The following MAST4 variants were observed in gnomAD, a reference collection of about 807,000 sequenced individuals.
MAST4 encodes microtubule associated serine/threonine kinase family member 4.
A neutral mutation model predicts 162.7 loss-of-function variants in MAST4; 89 were observed. The observed-to-expected ratio is 0.55, with a 90% CI of 0.46 to 0.65. The LOEUF (loss-of-function observed/expected upper bound fraction) is 0.65. Ranked by LOEUF, MAST4 falls within the 30% of genes least tolerant of loss-of-function variation. The probability of loss-of-function intolerance (pLI) is 0.00; values close to 1 mark genes in which losing one functional copy is unlikely to be tolerated. For missense variants in MAST4, 3,153 were observed against 3,374.0 expected (o/e 0.93, Z 1.62); for synonymous variants, 1,479 against 1,361.1 (o/e 1.09, Z -1.91).
chr5:66,828,926 C>T, intron 3 of MAST4: 2 of 1,472,008 alleles, frequency 1.4e-6, no homozygotes, highest in South Asian at 1.2e-5. Flanking sequence ...TGTCAGTGGC[C>T]AGCCATTGAG....
chr5:66,991,293 T>G (rs1419572264), intron 4 of MAST4, among the ~76,000 whole-genome samples: 1 of 152,108 alleles, frequency 6.6e-6, no homozygotes, highest in Non-Finnish European at 1.5e-5. Context: ...GAACCAAGAG[T>G]TCTTTTTCCT....
chr5:66,893,569 T>C (rs941727287), intron 3 of MAST4, among the ~76,000 whole-genome samples: 1 of 152,210 alleles, frequency 6.6e-6, no homozygotes, highest in African/African-American at 2.4e-5. Flanking sequence ...AATAAATATA[T>C]GAAAGTGCAT....
intron 1 of MAST4, among the ~76,000 whole-genome samples, chr5:66,714,529 G>T (rs918211958): frequency 1.3e-5 from 2 of 152,176 alleles, no homozygotes; most frequent in Non-Finnish European, 2.9e-5. Context: ...TCGAGTCATT[G>T]TTTTCCCTTC....
chr5:66,697,900 A>G (rs2149506104), intron 1 of MAST4, among the ~76,000 whole-genome samples: 1 of 152,288 alleles, frequency 6.6e-6, no homozygotes, highest in Middle Eastern at 3.4e-3. Context: ...CTGAAACCAA[A>G]GTCTTCAGGA....
chr5:66,954,900 C>CAAAAAAAA (rs538274808), intron 4 of MAST4, among the ~76,000 whole-genome samples: 3 of 139,400 alleles, frequency 2.2e-5, no homozygotes, highest in African/African-American at 8.7e-5. Flanking sequence ...GACTCTGTCT[C>CAAAAAAAA]AAAAAAAAAA....
chr5:66,736,256 G>C (rs533576424), intron 1 of MAST4, among the ~76,000 whole-genome samples: 1 of 151,996 alleles, frequency 6.6e-6, no homozygotes, highest in African/African-American at 2.4e-5. Flanking sequence ...CTAAGAAAGA[G>C]GCAAAAGATG....
intron 3 of MAST4, among the ~76,000 whole-genome samples, chr5:66,898,452 C>G (rs142808394): frequency 6.6e-6 from 1 of 151,596 alleles, no homozygotes; most frequent in Admixed American, 6.6e-5. Context: ...ATTTATGTTT[C>G]GGTTCCCAAG....
At chr5:66,850,340 A>C (rs1339621985) in intron 3 of MAST4, among the ~76,000 whole-genome samples, 1 of 152,230 alleles carries the variant, frequency 6.6e-6, no homozygotes, top group Non-Finnish European at 1.5e-5. Context: ...GTGAATGTCA[A>C]AATCAAGGTG....
chr5:66,843,224 T>G (rs978250411), intron 3 of MAST4, among the ~76,000 whole-genome samples: 4 of 152,222 alleles, frequency 2.6e-5, no homozygotes, highest in Admixed American at 2.0e-4. Flanking sequence ...AAGCACATTT[T>G]CTTTGTTTGA....
chr5:66,624,406 G>A (rs1056493004), intron 1 of MAST4, among the ~76,000 whole-genome samples: 1 of 151,986 alleles, frequency 6.6e-6, no homozygotes, highest in Non-Finnish European at 1.5e-5. Context: ...GCCCGCCTCG[G>A]CCTCCCAAAG....
chr5:66,615,569 C>G (rs765708882), intron 1 of MAST4, among the ~76,000 whole-genome samples: 7 of 152,048 alleles, frequency 4.6e-5, no homozygotes, highest in Non-Finnish European at 1.0e-4. Flanking sequence ...AATCCAAACA[C>G]TTTGGGAGGC....
chr5:67,062,779 CA>C (rs908262365), intron 5 of MAST4, among the ~76,000 whole-genome samples: 50 of 151,854 alleles, frequency 3.3e-4, no homozygotes, highest in Admixed American at 2.9e-3. Context: ...TTTGTTTTTT[CA>C]AAGGGATTTC....
intron 1 of MAST4, among the ~76,000 whole-genome samples, chr5:66,612,688 G>A (rs1743371658): frequency 6.6e-6 from 1 of 152,176 alleles, no homozygotes; most frequent in African/African-American, 2.4e-5. Context: ...TGCCTACGGG[G>A]AGGGAACCAA....
At chr5:66,828,247 C>T (rs1297149164) in intron 3 of MAST4, among the ~76,000 whole-genome samples, 1 of 152,116 alleles carries the variant, frequency 6.6e-6, no homozygotes, top group Non-Finnish European at 1.5e-5. Flanking sequence ...GGCTGGAGAG[C>T]AGCTGCCCTG....
chr5:67,132,823 A>G (rs1769154458), intron 16 of MAST4, among the ~76,000 whole-genome samples: 1 of 152,136 alleles, frequency 6.6e-6, no homozygotes, highest in Non-Finnish European at 1.5e-5. Context: ...GGGAAAAAAG[A>G]GAGAAAAAAA....
At chr5:67,037,678 TCTTAGAAGAGA>T (rs2150469239) in intron 4 of MAST4, among the ~76,000 whole-genome samples, 1 of 152,272 alleles carries the variant, frequency 6.6e-6, no homozygotes, top group African/African-American at 2.4e-5. Flanking sequence ...TAAAATCATC[TCTTAGAAGAGA>T]GAGTAGAAAA....
chr5:66,691,688 G>A (rs1261387104), intron 1 of MAST4, among the ~76,000 whole-genome samples: 2 of 152,094 alleles, frequency 1.3e-5, no homozygotes, highest in Non-Finnish European at 2.9e-5. Flanking sequence ...GGCAGGCAAG[G>A]GACCTCCCTG....
intron 3 of MAST4, among the ~76,000 whole-genome samples, chr5:66,840,149 A>C (rs1758317186): frequency 1.3e-5 from 2 of 152,140 alleles, no homozygotes; most frequent in Admixed American, 1.3e-4. Flanking sequence ...TGATGAGAGA[A>C]AACATTAAAT....
intron 1 of MAST4, among the ~76,000 whole-genome samples, chr5:66,690,812 CG>C (rs1282874797): frequency 6.6e-6 from 1 of 152,090 alleles, no homozygotes; most frequent in African/African-American, 2.4e-5. Flanking sequence ...CCTGTTCTTC[CG>C]GAACATGAAG....
Sources: allele counts gnomAD v4.1 joint callset (sites outside exome capture counted in the v4.1 genomes callset), GRCh38; gene constraint gnomAD v4.1.1; transcripts MANE v1.5; gene names NCBI Gene and HGNC (gene_info 2026-07-23, HGNC 2026-07-21).